The following PPP6R3 variants were observed in gnomAD, a reference collection of about 807,000 sequenced individuals.
The protein encoded by PPP6R3 is serine/threonine-protein phosphatase 6 regulatory subunit 3.
In PPP6R3, 38 loss-of-function variants were observed where a neutral mutation model predicts 110.7. The observed-to-expected ratio is 0.34, with a 90% CI of 0.26 to 0.45. The LOEUF (loss-of-function observed/expected upper bound fraction) is 0.45. PPP6R3 is among the 20% of genes least tolerant of loss of function. The pLI is 1.00. For missense variants in PPP6R3, 870 were observed against 1,062.4 expected (o/e 0.82, Z 2.52); for synonymous variants, 369 against 373.5 (o/e 0.99, Z 0.14).
chr11:68,601,948 G>T lies in PPP6R3; in HGVS notation c.2278G>T (p.Ala760Ser), dbSNP rs761968594. ...PMDPLTPSAA[A>S]LAVQPEAAGS... The stretch of plus-strand genomic sequence containing the variant: ...GGACCCTCTGACTCCCAGTGCGGCT[G>T]CCCTGGCAGTGCAGCCAGAAGGTGC... Residue 760 changes from alanine to serine, a missense_variant, in exon 21 of 24, where the codon GCC (alanine) becomes TCC (serine). By Grantham distance (99) the Ala-to-Ser change is moderately conservative. Coordinates refer to ENST00000393800, the MANE Select transcript of PPP6R3 (RefSeq NM_001164161.2). 1.2e-6 allele frequency: 2 copies of T among 1,612,918 alleles called. No homozygotes were observed. Among genetic ancestry groups the T allele is most frequent in the Non-Finnish European group, 1.7e-6 (2 of 1,179,622 alleles).
At chr11:68,600,537 C>T (rs777479534) in intron 20 of PPP6R3, 43 bp downstream of exon 20, 2 of 1,576,856 alleles carry the variant, frequency 1.3e-6, no homozygotes, top group East Asian at 2.3e-5. Context: ...CACGGGGGAC[C>T]TGGGAATGGT....
chr11:68,613,395 G>A lies in PPP6R3; in HGVS notation c.*278G>A. On this transcript the variant is annotated 3_prime_UTR_variant, in exon 24 of 24. Transcript: ENST00000393800. ...TGTGAAATAAGATCTTGCCACCCAT[G>A]TAATAATAGTAGTAATACTATAGTT... The A allele has an allele frequency of 8.7e-7, 1 of 1,148,828 alleles. No homozygotes were observed. The highest frequency in any genetic ancestry group is 1.6e-5 in the African/African-American group (1 of 62,098). The allele number at this position is 1,148,828 out of a possible 1,614,324, so 71.2% of individuals were successfully genotyped here.
In PPP6R3 at chr11:68,480,921, G is replaced by A. The variant is rs2153377332; in HGVS notation, c.-158+20094G>A. On this transcript the variant is annotated intron_variant, in intron 1 of 23. Coordinates refer to ENST00000393800, the MANE Select transcript of PPP6R3 (RefSeq NM_001164161.2). Reference sequence around the variant, plus strand: ...TTAGGTAGCTCATTTTTTATATCCAGAAATGGGAATGATTTCAAGGATAAT... The same window carrying A: ...TTAGGTAGCTCATTTTTTATATCCAAAAATGGGAATGATTTCAAGGATAAT... 1.3e-5 allele frequency among the ~76,000 whole-genome samples: 2 copies of A among 152,190 alleles called. 1 individual carries two copies. Among genetic ancestry groups the A allele is most frequent in the South Asian group, 4.1e-4 (2 of 4,824 alleles).
intron 1 of PPP6R3, among the ~76,000 whole-genome samples, chr11:68,475,865 T>G (rs1225736639): frequency 7.1e-6 from 1 of 141,230 alleles, no homozygotes; most frequent in East Asian, 2.1e-4. Context: ...CCAGATGGGA[T>G]CGCGGACGGG....
intron 11 of PPP6R3, among the ~76,000 whole-genome samples, chr11:68,570,665 T>C (rs1216875492): frequency 6.6e-6 from 1 of 152,260 alleles, no homozygotes; most frequent in Non-Finnish European, 1.5e-5. Context: ...TTACTTTGGA[T>C]TCTAAGTTAA....
At chr11:68,509,779 C>T (rs1191966219) in intron 1 of PPP6R3, among the ~76,000 whole-genome samples, 6 of 120,428 alleles carry the variant, frequency 5.0e-5, no homozygotes, top group Admixed American at 4.4e-4. Flanking sequence ...GACGGAGCTT[C>T]GCTCTCGTTG....
chr11:68,462,120 A>C (rs1484377728), intron 1 of PPP6R3, among the ~76,000 whole-genome samples: 1 of 152,176 alleles, frequency 6.6e-6, no homozygotes, highest in African/African-American at 2.4e-5. Flanking sequence ...AAACAGCTAG[A>C]GCTGTGCCTG....
Position 68,496,210 on chromosome 11 carries a change from A to G in PPP6R3, c.-157-23291A>G, listed in dbSNP as rs192566761. On this transcript the variant is annotated intron_variant, in intron 1 of 23. Coordinates refer to ENST00000393800, the MANE Select transcript of PPP6R3 (RefSeq NM_001164161.2). ...TTTTTTTTTTTGTTGTTGTTAAGAC[A>G]AGGTTTCACTACGTTGTCCAGGCTG... Among the ~76,000 whole-genome samples, 10 of 151,114 alleles carry G rather than the reference A, an allele frequency of 6.6e-5. No individual in the cohort carries two copies. The East Asian group carries it at 1.7e-3, about 26-fold the overall frequency.
At chr11:68,507,498 A>G (rs547907456) in intron 1 of PPP6R3, among the ~76,000 whole-genome samples, 174 of 152,216 alleles carry the variant, frequency 1.1e-3, no homozygotes, top group African/African-American at 3.7e-3. Flanking sequence ...TTTGTATTCA[A>G]AATTTTGTGG....
intron 1 of PPP6R3, among the ~76,000 whole-genome samples, chr11:68,495,587 C>T (rs570170282): frequency 3.9e-5 from 6 of 152,342 alleles, no homozygotes; most frequent in African/African-American, 1.2e-4. Context: ...ATCATACAAA[C>T]GTGGTCCTTT....
chr11:68,468,878 C>A (rs576682037), intron 1 of PPP6R3, among the ~76,000 whole-genome samples: 2 of 152,292 alleles, frequency 1.3e-5, no homozygotes, highest in Admixed American at 6.5e-5. Context: ...TCTTTTCTGG[C>A]ACACAGGACG....
chr11:68,584,288 G>C (rs987791311), intron 15 of PPP6R3, among the ~76,000 whole-genome samples: 1 of 152,162 alleles, frequency 6.6e-6, no homozygotes, highest in Non-Finnish European at 1.5e-5. Context: ...GGCTCATTGT[G>C]AGCCCTCGTG....
chr11:68,495,536 T>C (rs144990717), intron 1 of PPP6R3, among the ~76,000 whole-genome samples: 96 of 152,348 alleles, frequency 6.3e-4, no homozygotes, highest in African/African-American at 2.1e-3. Context: ...TACTGTACTT[T>C]CTGTTCCTAT....
intron 16 of PPP6R3, among the ~76,000 whole-genome samples, chr11:68,589,993 C>T (rs1342004677): frequency 6.6e-6 from 1 of 152,234 alleles, no homozygotes; most frequent in Non-Finnish European, 1.5e-5. Flanking sequence ...CCCTGCAGGT[C>T]CCTGTTTGGT....
Position 68,615,287 on chromosome 11 carries a change from C to T in PPP6R3, c.*2170C>T, listed in dbSNP as rs1945071853. ...CTAACAGATGTCTACAATACAATAC[C>T]TGTATTCAAAATAACAAAAATAAAG... On this transcript the variant is annotated 3_prime_UTR_variant, in exon 24 of 24. Transcript: ENST00000393800. 2.8e-6 allele frequency: 1 copy of T among 354,014 alleles called. No homozygotes were observed. Among genetic ancestry groups the T allele is most frequent in the Non-Finnish European group, 5.6e-6 (1 of 179,298 alleles). 21.9% of individuals were successfully genotyped at this position (354,014 alleles called of 1,614,324 possible).
At chr11:68,589,053 A>C (rs1033306358) in intron 16 of PPP6R3, among the ~76,000 whole-genome samples, 16 of 151,960 alleles carry the variant, frequency 1.1e-4, no homozygotes, top group African/African-American at 3.9e-4. Flanking sequence ...CTAAAAATAC[A>C]AAAACAATAG....
At chr11:68,575,263 C>T (rs2099526224) in intron 13 of PPP6R3, among the ~76,000 whole-genome samples, 1 of 152,176 alleles carries the variant, frequency 6.6e-6, no homozygotes, top group South Asian at 2.1e-4. Flanking sequence ...CTGTTTTAAA[C>T]CAGAATTATC....
chr11:68,555,651 T>C (rs1478498746), intron 7 of PPP6R3, among the ~76,000 whole-genome samples: 1 of 152,224 alleles, frequency 6.6e-6, no homozygotes, highest in Non-Finnish European at 1.5e-5. Flanking sequence ...ATGTGTAACC[T>C]AGCCACCAGA....
intron 2 of PPP6R3, among the ~76,000 whole-genome samples, chr11:68,536,829 T>C (rs1448139597): frequency 6.6e-6 from 1 of 152,204 alleles, no homozygotes; most frequent in African/African-American, 2.4e-5. Flanking sequence ...AGGAAAGGTC[T>C]TTGAATGGTC....
Sources: gnomAD v4.1 joint callset for allele counts (sites outside exome capture counted in the v4.1 genomes callset) on GRCh38, gnomAD v4.1.1 for gene constraint, MANE v1.5 for transcripts, NCBI Gene and HGNC (gene_info 2026-07-23, HGNC 2026-07-21) for gene names.